STPG2: variants seen among roughly 807,000 people sequenced by gnomAD.
STPG2 encodes sperm-tail PG-rich repeat-containing protein 2.
A neutral mutation model predicts 54.2 loss-of-function variants in STPG2; 56 were observed. The ratio of observed to expected loss-of-function variants is 1.03; its 90% confidence interval spans 0.83 to 1.29. The LOEUF is 1.29. STPG2 is among the 50% of genes most tolerant of loss of function. The probability of loss-of-function intolerance (pLI) is 0.00; values close to 1 mark genes in which losing one functional copy is unlikely to be tolerated. For missense variants in STPG2, 596 were observed against 544.9 expected (o/e 1.09, Z -0.93); for synonymous variants, 200 against 181.8 (o/e 1.10, Z -0.81).
chr4:97,538,837 T>G (rs575584984), intron 4 of STPG2, among the ~76,000 whole-genome samples: 3 of 152,306 alleles, frequency 2.0e-5, no homozygotes, highest in Middle Eastern at 3.4e-3. Context: ...GACTAACAGC[T>G]GATCTCTCAG....
intron 4 of STPG2, among the ~76,000 whole-genome samples, chr4:97,448,065 A>G (rs1729270843): frequency 6.6e-6 from 1 of 152,112 alleles, no homozygotes; most frequent in Admixed American, 6.5e-5. Context: ...TTAGGATTTA[A>G]TCTCTGCCCT....
intron 10 of STPG2, among the ~76,000 whole-genome samples, chr4:97,675,029 G>A (rs1014596892): frequency 2.0e-5 from 3 of 151,790 alleles, no homozygotes; most frequent in Non-Finnish European, 4.4e-5. Context: ...TTGAGACGAA[G>A]TTTTGCTCTT....
intron 5 of STPG2, among the ~76,000 whole-genome samples, chr4:98,065,135 A>T (rs1737793318): frequency 6.6e-6 from 1 of 152,158 alleles, no homozygotes. Context: ...GCTTAATGGG[A>T]AAAACTAAAG....
chr4:97,873,990 T>A (rs1730086029), intron 8 of STPG2, among the ~76,000 whole-genome samples: 1 of 151,528 alleles, frequency 6.6e-6, no homozygotes, highest in Non-Finnish European at 1.5e-5. Flanking sequence ...TTTTCTCTAA[T>A]TATGTAATTA....
intron 7 of STPG2, among the ~76,000 whole-genome samples, chr4:97,964,367 C>A (rs148658500): frequency 1.3e-4 from 20 of 152,090 alleles, no homozygotes; most frequent in African/African-American, 4.8e-4. Flanking sequence ...TCTTTGAAGG[C>A]AATCATCCTT....
chr4:97,926,663 C>A lies in STPG2; in HGVS notation c.1044+17234G>T, dbSNP rs540210605. 4.6e-5 allele frequency among the ~76,000 whole-genome samples: 7 copies of A among 152,154 alleles called. No individual in the cohort carries two copies. In the East Asian group the frequency reaches 1.4e-3, roughly 29 times the overall value. ...TCTAATCCTCTGCAAGACAAAGGAG[C>A]TTCTGGTTTAAAAAGATGAGTTTCA... On this transcript the variant is annotated intron_variant, in intron 8 of 10. Coordinates refer to ENST00000295268, the MANE Select transcript of STPG2 (RefSeq NM_174952.3).
At chr4:97,896,706 T>C (rs1730967876) in intron 8 of STPG2, among the ~76,000 whole-genome samples, 1 of 151,774 alleles carries the variant, frequency 6.6e-6, no homozygotes, top group South Asian at 2.1e-4. Flanking sequence ...AAATAAATAT[T>C]TTTATATTTT....
At chr4:97,957,372 A>G (rs1203682167) in intron 7 of STPG2, among the ~76,000 whole-genome samples, 1 of 151,580 alleles carries the variant, frequency 6.6e-6, no homozygotes, top group Non-Finnish European at 1.5e-5. Flanking sequence ...CCAATCAAAC[A>G]AAGACAAAGA....
At chr4:97,969,464 T>C (rs1276307530) in intron 7 of STPG2, among the ~76,000 whole-genome samples, 2 of 152,132 alleles carry the variant, frequency 1.3e-5, no homozygotes, top group African/African-American at 4.8e-5. Flanking sequence ...ATCCAGTGCA[T>C]TGGCAGCATC....
At chr4:98,021,593 A>T (rs1445428312) in intron 5 of STPG2, among the ~76,000 whole-genome samples, 2 of 152,142 alleles carry the variant, frequency 1.3e-5, no homozygotes, top group Non-Finnish European at 2.9e-5. Context: ...TGTCTCATTG[A>T]TCGGTCTAAT....
intron 9 of STPG2, among the ~76,000 whole-genome samples, chr4:97,837,320 T>A (rs1222423960): frequency 6.6e-6 from 1 of 151,692 alleles, no homozygotes; most frequent in East Asian, 1.9e-4. Context: ...AATTTATACT[T>A]TCAACACAAT....
At chr4:98,062,234 G>T (rs902844361) in intron 5 of STPG2, among the ~76,000 whole-genome samples, 1 of 148,494 alleles carries the variant, frequency 6.7e-6, no homozygotes, top group African/African-American at 2.5e-5. Flanking sequence ...CGTATAAGTG[G>T]GAGCAAAATA....
chr4:98,003,722 T>G (rs1016004355), intron 5 of STPG2, among the ~76,000 whole-genome samples: 4 of 152,138 alleles, frequency 2.6e-5, no homozygotes, highest in Non-Finnish European at 5.9e-5. Context: ...AATTATTCAT[T>G]TATTCATTAT....
At chr4:97,664,459 T>A (rs1274473008) in intron 10 of STPG2, among the ~76,000 whole-genome samples, 1 of 152,204 alleles carries the variant, frequency 6.6e-6, no homozygotes, top group African/African-American at 2.4e-5. Context: ...AGGTTACTTG[T>A]AAGTGCTAAA....
chr4:97,569,640 C>T (rs1432285996), intron 10 of STPG2, among the ~76,000 whole-genome samples: 1 of 152,038 alleles, frequency 6.6e-6, no homozygotes, highest in Non-Finnish European at 1.5e-5. Flanking sequence ...GAAGGGAGGG[C>T]TCTTCTTTAT....
chr4:97,552,711 C>T (rs1731991521), intron 4 of STPG2, among the ~76,000 whole-genome samples: 1 of 151,990 alleles, frequency 6.6e-6, no homozygotes, highest in Admixed American at 6.6e-5. Context: ...AAGTGTAATA[C>T]TTTTGATGGC....
At chr4:97,567,477 T>C (rs1270935710) in intron 10 of STPG2, among the ~76,000 whole-genome samples, 1 of 150,306 alleles carries the variant, frequency 6.7e-6, no homozygotes, top group Non-Finnish European at 1.5e-5. Context: ...TTCTCCCCTC[T>C]CCCCATAATC....
chr4:97,936,328 C>T (rs1427337474), intron 8 of STPG2, among the ~76,000 whole-genome samples: 3 of 152,184 alleles, frequency 2.0e-5, no homozygotes, highest in Admixed American at 6.5e-5. Context: ...GGACACTATC[C>T]AATTTGCGGG....
chr4:97,466,916 G>C (rs1729801478), intron 4 of STPG2, among the ~76,000 whole-genome samples: 1 of 151,948 alleles, frequency 6.6e-6, no homozygotes, highest in South Asian at 2.1e-4. Flanking sequence ...TAGTTACAGA[G>C]TTTGTTAAAG....
Sources: gnomAD v4.1 joint callset for allele counts (sites outside exome capture counted in the v4.1 genomes callset) on GRCh38, gnomAD v4.1.1 for gene constraint, MANE v1.5 for transcripts, NCBI Gene and HGNC (gene_info 2026-07-23, HGNC 2026-07-21) for gene names.